WSCD1: variants seen among roughly 807,000 people sequenced by gnomAD.
The protein encoded by WSCD1 is WSC domain sialate O sulfotransferase 1, also known as sialate:O-sulfotransferase 1.
WSCD1 carries 41 observed loss-of-function variants against 60.4 expected under a neutral mutation model. That is an observed-to-expected ratio of 0.68 (90% CI 0.53 to 0.88). WSCD1 has a LOEUF of 0.88. Among genes scored for constraint, WSCD1 ranks in the 40% least tolerant of loss-of-function variants. The probability of loss-of-function intolerance (pLI) is 0.00; values close to 1 mark genes in which losing one functional copy is unlikely to be tolerated. For missense variants in WSCD1, 784 were observed against 796.2 expected, an observed-to-expected ratio of 0.98 and a Z score of 0.18; for synonymous variants, 361 against 332.5, an observed-to-expected ratio of 1.09 and a Z score of -0.93.
rs1022054589 is a variant in WSCD1 at position 6,101,816 on chromosome 17, T to G, written c.849+6593T>G. 6.6e-6 allele frequency among the ~76,000 whole-genome samples: 1 copy of G among 152,208 alleles called. No homozygotes were observed. The highest frequency in any genetic ancestry group is 1.5e-5 in the Non-Finnish European group (1 of 68,050). On this transcript the variant is annotated intron_variant, in intron 5 of 8. Coordinates refer to ENST00000317744, the MANE Select transcript of WSCD1 (RefSeq NM_015253.2). This position sits in a 1 kb window ranked among gnomAD's most constrained non-coding sequence, Gnocchi z 4.1. ...CAGGGGGCAGCTTCGATATTTGCAT[T>G]GCTACCAATTCAGATCTGGGGTAAT...
chr17:6,120,357 T>A lies in WSCD1; in HGVS notation c.1424T>A (p.Val475Asp). 6.2e-7 allele frequency: 1 copy of A among 1,614,074 alleles called. No homozygotes were observed. The change falls in exon 9 of 9, where the codon GTC (valine) becomes GAC (aspartate). Residue 475 changes from valine to aspartate, a missense_variant. Transcript: ENST00000317744. ...NSYASWWSSH[V>D]LDWLKYGKRL... Reference sequence around the variant, plus strand: ...TACGCCTCGTGGTGGTCCTCGCACGTCCTGGACTGGCTCAAGTACGGGAAG... The same window carrying A: ...TACGCCTCGTGGTGGTCCTCGCACGACCTGGACTGGCTCAAGTACGGGAAG...
At chr17:6,087,917 T>TC in intron 2 of WSCD1, 73 bp from the exon 3 acceptor site, 1 of 1,266,306 alleles carries the variant, frequency 7.9e-7, no homozygotes, top group Non-Finnish European at 1.1e-6. Context: ...AGGCAGAGGT[T>TC]CCCCTGGCTT....
intron 3 of WSCD1, among the ~76,000 whole-genome samples, chr17:6,089,946 T>G (rs896421380): frequency 1.3e-5 from 2 of 152,174 alleles, no homozygotes; most frequent in Non-Finnish European, 2.9e-5. Flanking sequence ...CCGATGGCTG[T>G]GGCCCCTGTC....
chr17:6,102,090 CT>C (rs1267849248), intron 5 of WSCD1, among the ~76,000 whole-genome samples: 1 of 152,206 alleles, frequency 6.6e-6, no homozygotes, highest in Non-Finnish European at 1.5e-5. Flanking sequence ...CTTTTAGCCT[CT>C]TTTGGGCGTC....
rs962629372 is a variant in WSCD1 at position 6,085,462 on chromosome 17, G to A, written c.428-2528G>A. 2.0e-5 allele frequency among the ~76,000 whole-genome samples: 3 copies of A among 152,266 alleles called. No homozygotes were observed. The East Asian group carries it at 5.8e-4, about 29-fold the overall frequency. Reference sequence around the variant, plus strand: ...TTTTCACAACTACCTCATGGAATTGGAACCGTATCCCCATTTTATAGATGG... The same window carrying A: ...TTTTCACAACTACCTCATGGAATTGAAACCGTATCCCCATTTTATAGATGG... On this transcript the variant is annotated intron_variant, in intron 2 of 8. Coordinates refer to ENST00000317744, the MANE Select transcript of WSCD1 (RefSeq NM_015253.2).
intron 7 of WSCD1, among the ~76,000 whole-genome samples, chr17:6,115,780 GACAGGGAGGTTT>G (rs59680549): frequency 0.017 from 2,630 of 152,112 alleles, 142 homozygotes; most frequent in East Asian, 0.13. Flanking sequence ...TTTTAGTAGA[GACAGGGAGGTTT>G]ACCATGTTGG....
At chr17:6,083,223 TA>T (rs1363008153) in intron 2 of WSCD1, among the ~76,000 whole-genome samples, 2 of 152,196 alleles carry the variant, frequency 1.3e-5, no homozygotes, top group Admixed American at 6.5e-5. Context: ...GCACACGTTT[TA>T]AAAATAGACC....
Position 6,080,819 on chromosome 17 carries a change from C to A in WSCD1, c.161C>A (p.Thr54Asn). 6.2e-7 allele frequency: 1 copy of A among 1,609,500 alleles called. No individual in the cohort carries two copies. Among genetic ancestry groups the A allele is most frequent in the Non-Finnish European group, 8.5e-7 (1 of 1,178,674 alleles). ...QGPRAPGPLQ[T>N]LPVAAVALGV... ...CCCCGGGCACCCGGCCCCCTGCAGA[C>A]CTTGCCAGTGGCCGCCGTGGCGCTG... Residue 54 changes from threonine (T) to asparagine (N), a missense_variant, in exon 2 of 9, where the codon ACC becomes AAC. Transcript: ENST00000317744. This position sits in a 1 kb window ranked among gnomAD's most constrained non-coding sequence, Gnocchi z 6.6.
At chr17:6,094,638 G>A (rs1340787691) in intron 4 of WSCD1, among the ~76,000 whole-genome samples, 1 of 133,754 alleles carries the variant, frequency 7.5e-6, no homozygotes, top group Admixed American at 7.7e-5. Flanking sequence ...AGGCAGGCCG[G>A]CAGGAAGGCT....
chr17:6,089,023 C>G (rs9909286), intron 3 of WSCD1, among the ~76,000 whole-genome samples: 8,167 of 151,968 alleles, frequency 0.054, 697 homozygotes, highest in African/African-American at 0.18. Flanking sequence ...ACCTCATGAT[C>G]TGCCCGCCTC....
intron 5 of WSCD1, among the ~76,000 whole-genome samples, chr17:6,096,684 C>T (rs1910455998): frequency 6.6e-6 from 1 of 152,220 alleles, no homozygotes; most frequent in African/African-American, 2.4e-5. Context: ...TTCTCCTCCT[C>T]ATGGGAGCAG....
upstream of WSCD1, chr17:6,069,386 G>T: frequency 8.0e-6 from 3 of 374,740 alleles, no homozygotes; most frequent in East Asian, 3.7e-5. Flanking sequence ...TTTCCACCTC[G>T]GTGCGTGTGT....
chr17:6,089,126 T>A (rs1909858187), intron 3 of WSCD1, among the ~76,000 whole-genome samples: 1 of 152,218 alleles, frequency 6.6e-6, no homozygotes, highest in Admixed American at 6.5e-5. Flanking sequence ...GTCAGCCAGG[T>A]AGCAATTAGT....
chr17:6,108,308 T>C (rs1486720781), intron 5 of WSCD1, among the ~76,000 whole-genome samples: 2 of 152,086 alleles, frequency 1.3e-5, no homozygotes, highest in East Asian at 3.9e-4. Flanking sequence ...AATAAAAAGG[T>C]TTGTGCAGTG....
chr17:6,087,496 C>T (rs1301287246), intron 2 of WSCD1, among the ~76,000 whole-genome samples: 1 of 152,222 alleles, frequency 6.6e-6, no homozygotes, highest in Non-Finnish European at 1.5e-5. Flanking sequence ...AATAGCTTTC[C>T]CCGTTTGAAA....
chr17:6,081,889 A>G (rs938900667), intron 2 of WSCD1: 1 of 152,106 alleles, frequency 6.6e-6, no homozygotes, highest in Admixed American at 6.6e-5. Flanking sequence ...CACAAGTGCA[A>G]ATTCTCAGAT....
chr17:6,087,276 G>A (rs149091329), intron 2 of WSCD1, among the ~76,000 whole-genome samples: 60 of 152,216 alleles, frequency 3.9e-4, no homozygotes, highest in African/African-American at 1.3e-3. Flanking sequence ...TCTCACTGGC[G>A]CGTGCACGGC....
chr17:6,073,544 C>T (rs1261355133), intron 1 of WSCD1, among the ~76,000 whole-genome samples: 1 of 152,150 alleles, frequency 6.6e-6, no homozygotes, highest in Non-Finnish European at 1.5e-5. Flanking sequence ...GCAGGAAAAT[C>T]GCTTGAACCC....
chr17:6,087,285 G>A (rs563285255), intron 2 of WSCD1, among the ~76,000 whole-genome samples: 1 of 152,264 alleles, frequency 6.6e-6, no homozygotes, highest in East Asian at 1.9e-4. Context: ...CGCGTGCACG[G>A]CTGGCTTCTC....
Sources: allele counts gnomAD v4.1 joint callset (sites outside exome capture counted in the v4.1 genomes callset), GRCh38; gene constraint gnomAD v4.1.1; non-coding constraint Gnocchi (gnomAD v3.1); transcripts MANE v1.5; gene names NCBI Gene and HGNC (gene_info 2026-07-23, HGNC 2026-07-21).